EPHA7: variants seen among roughly 807,000 people sequenced by gnomAD.
EPHA7 encodes the protein EPH receptor A7.
Under a neutral mutation model 112.6 loss-of-function variants are expected in EPHA7, and 25 were observed. The ratio of observed to expected loss-of-function variants is 0.22; its 90% CI spans 0.16 to 0.31. The LOEUF (loss-of-function observed/expected upper bound fraction) is 0.31, where lower values mean the gene tolerates loss of function less well. Among genes scored for constraint, EPHA7 ranks in the 10% least tolerant of loss-of-function variants. The probability of loss-of-function intolerance (pLI) is 1.00; values close to 1 mark genes in which losing one functional copy is unlikely to be tolerated. For synonymous variants in EPHA7, 437 were observed against 406.5 expected, an observed-to-expected ratio of 1.07 and a Z score of -0.90; for missense variants, 962 against 1,212.6, an observed-to-expected ratio of 0.79 and a Z score of 3.07.
At chr6:93,347,846 T>C (rs1398185294) in intron 5 of EPHA7, among the ~76,000 whole-genome samples, 1 of 151,798 alleles carries the variant, frequency 6.6e-6, no homozygotes, top group Non-Finnish European at 1.5e-5. Flanking sequence ...CACAATTCCA[T>C]CACAGCAGTA....
At chr6:93,363,854 T>C (rs902833492) in intron 3 of EPHA7, among the ~76,000 whole-genome samples, 5 of 152,172 alleles carry the variant, frequency 3.3e-5, no homozygotes, top group African/African-American at 1.2e-4. Flanking sequence ...CAATGGAATA[T>C]AATCCACCAA....
At chr6:93,250,289 G>A (rs1770147557) in intron 14 of EPHA7, among the ~76,000 whole-genome samples, 1 of 152,036 alleles carries the variant, frequency 6.6e-6, no homozygotes, top group South Asian at 2.1e-4. Flanking sequence ...TTGAGGTTCT[G>A]CAGTTTTCAT....
chr6:93,284,821 G>T (rs1459765159), intron 5 of EPHA7, among the ~76,000 whole-genome samples: 1 of 127,130 alleles, frequency 7.9e-6, no homozygotes, highest in Non-Finnish European at 1.6e-5. Flanking sequence ...ACAGGGAGGG[G>T]AACATCACAC....
chr6:93,356,745 A>G lies in EPHA7; in HGVS notation c.1296T>C (p.Ala432=). The G allele has an allele frequency of 6.2e-7, 1 of 1,613,332 alleles. No individual in the cohort carries two copies. The highest frequency in any genetic ancestry group is 1.3e-5 in the African/African-American group (1 of 75,058). Residue 432 remains alanine (A), a synonymous_variant, in exon 5 of 17, where the codon GCT becomes GCC. Coordinates refer to ENST00000369303, the MANE Select transcript of EPHA7 (RefSeq NM_004440.4). ...CTTGACCAGTGGTGATACTGACAGC[A>G]GCAAAGAGCCTCTGGGATCGGCTTA... The part of the protein sequence containing the change: ...SDLSRSQRLF[A]AVSITTGQAA...
chr6:93,241,595 A>G lies in EPHA7; in HGVS notation c.*1831T>C, dbSNP rs1478374715. The G allele has an allele frequency of 4.6e-6, 1 of 219,328 alleles. No individual in the cohort carries two copies. The highest frequency in any genetic ancestry group is 9.2e-6 in the Non-Finnish European group (1 of 109,006). 13.6% of individuals were successfully genotyped at this position (219,328 alleles called of 1,614,324 possible). A position where few individuals can be genotyped will look rare whatever the true frequency, so the allele number is the denominator to read the frequency against. ...AGTCAATCAAAAAATAAATTAAAAT[A>G]TCAAATAACACTGTACAGTGATTTA... On this transcript the variant is annotated 3_prime_UTR_variant, in exon 17 of 17. Coordinates refer to ENST00000369303, the MANE Select transcript of EPHA7 (RefSeq NM_004440.4).
At position 93,405,813 on chromosome 6, in the gene EPHA7, G is replaced by GTATATA. The variant is rs60882775; in HGVS notation, c.832+4682_832+4687dup. Among the ~76,000 whole-genome samples, 539 of 73,874 alleles carry GTATATA rather than the reference G, an allele frequency of 7.3e-3. 6 individuals are homozygous for GTATATA. Among genetic ancestry groups the GTATATA allele is most frequent in the South Asian group, 9.7e-3 (16 of 1,642 alleles). 48.5% of individuals were successfully genotyped at this position (73,874 alleles called of 152,430 possible). ...TGTGTGTGTGTGTGTGTGTGTGTGT[G>GTATATA]TATATATATATATATATATATATAT... On this transcript the variant is annotated intron_variant, in intron 3 of 16. Transcript: ENST00000369303.
At chr6:93,256,638 T>C (rs1266921897) in intron 12 of EPHA7, among the ~76,000 whole-genome samples, 1 of 152,098 alleles carries the variant, frequency 6.6e-6, no homozygotes, top group African/African-American at 2.4e-5. Context: ...TGAGAACTGT[T>C]TGCAACCAGA....
chr6:93,404,055 A>G (rs1019745012), intron 3 of EPHA7, among the ~76,000 whole-genome samples: 6 of 152,132 alleles, frequency 3.9e-5, no homozygotes, highest in Non-Finnish European at 7.4e-5. Context: ...TTCAACTGTG[A>G]TAAAAATGTG....
chr6:93,346,526 T>C (rs1174561829), intron 5 of EPHA7, among the ~76,000 whole-genome samples: 6 of 151,818 alleles, frequency 4.0e-5, no homozygotes, highest in Non-Finnish European at 8.8e-5. Flanking sequence ...CTATTACAAA[T>C]GTGTTAGTTT....
At chr6:93,413,066 T>C (rs933464132) in intron 2 of EPHA7, among the ~76,000 whole-genome samples, 1 of 152,002 alleles carries the variant, frequency 6.6e-6, no homozygotes, top group Non-Finnish European at 1.5e-5. Flanking sequence ...TAAGACATTA[T>C]GAACATTTCC....
intron 9 of EPHA7, among the ~76,000 whole-genome samples, chr6:93,261,638 G>T (rs1770693512): frequency 6.6e-6 from 1 of 151,116 alleles, no homozygotes; most frequent in Non-Finnish European, 1.5e-5. Context: ...TGAATATTCT[G>T]GTTTATCCCA....
chr6:93,392,521 T>TA (rs1777962259), intron 3 of EPHA7, among the ~76,000 whole-genome samples: 1 of 152,052 alleles, frequency 6.6e-6, no homozygotes, highest in African/African-American at 2.4e-5. Flanking sequence ...TAACTGATTA[T>TA]ATGACAAAAA....
At chr6:93,390,241 T>TAA (rs1211494658) in intron 3 of EPHA7, among the ~76,000 whole-genome samples, 1 of 125,278 alleles carries the variant, frequency 8.0e-6, no homozygotes, top group African/African-American at 3.0e-5. Context: ...ATCAGTACAG[T>TAA]AAAAAAAAAA....
At chr6:93,369,751 T>G (rs1355611443) in intron 3 of EPHA7, among the ~76,000 whole-genome samples, 2 of 152,198 alleles carry the variant, frequency 1.3e-5, no homozygotes, top group Non-Finnish European at 2.9e-5. Context: ...CCTAGCACAA[T>G]GTCCAGCACA....
intron 3 of EPHA7, among the ~76,000 whole-genome samples, chr6:93,366,954 A>G (rs1776546838): frequency 6.6e-6 from 1 of 152,022 alleles, no homozygotes; most frequent in Non-Finnish European, 1.5e-5. Context: ...ATGAACTATG[A>G]AATCTCAGGA....
chr6:93,413,173 A>AT (rs1779059490), intron 2 of EPHA7, among the ~76,000 whole-genome samples: 2 of 151,710 alleles, frequency 1.3e-5, no homozygotes, highest in Non-Finnish European at 3.0e-5. Flanking sequence ...TCTCAAGAAC[A>AT]TTTTTTTTAG....
intron 14 of EPHA7, among the ~76,000 whole-genome samples, chr6:93,249,877 ATTC>A (rs1770128386): frequency 6.6e-6 from 1 of 152,178 alleles, no homozygotes; most frequent in Non-Finnish European, 1.5e-5. Context: ...AACACAATAT[ATTC>A]TTAAGTTTTT....
At chr6:93,405,185 T>C (rs1230800068) in intron 3 of EPHA7, among the ~76,000 whole-genome samples, 1 of 151,942 alleles carries the variant, frequency 6.6e-6, no homozygotes, top group Non-Finnish European at 1.5e-5. Context: ...TGCATAATTC[T>C]AAATGTCATT....
At chr6:93,401,337 A>G (rs572145034) in intron 3 of EPHA7, among the ~76,000 whole-genome samples, 1 of 152,286 alleles carries the variant, frequency 6.6e-6, no homozygotes, top group South Asian at 2.1e-4. Flanking sequence ...TCGACGCTAA[A>G]CAAAGTAAAT....
Sources: allele counts gnomAD v4.1 joint callset (sites outside exome capture counted in the v4.1 genomes callset), GRCh38; gene constraint gnomAD v4.1.1; transcripts MANE v1.5; gene names NCBI Gene and HGNC (gene_info 2026-07-23, HGNC 2026-07-21).